Variants in MESD observed in about 807,000 individuals in gnomAD.
The protein encoded by MESD is mesoderm development LRP chaperone.
A neutral mutation model predicts 12.9 loss-of-function variants in MESD; 7 were observed. That is an observed-to-expected ratio of 0.54 (90% CI 0.31 to 1.02). The LOEUF is 1.02. MESD is among the 50% of genes least tolerant of loss of function. The probability of loss-of-function intolerance (pLI) is 0.05; values close to 1 mark genes in which losing one functional copy is unlikely to be tolerated. For synonymous variants in MESD, 126 were observed against 115.6 expected, an observed-to-expected ratio of 1.09 and a Z score of -0.58; for missense variants, 342 against 296.7, an observed-to-expected ratio of 1.15 and a Z score of -1.12.
intron 3 of MESD, among the ~76,000 whole-genome samples, chr15:80,955,578 T>C (rs369768968): frequency 1.3e-5 from 2 of 151,540 alleles, no homozygotes. Context: ...CCCAGGGTAG[T>C]TGTTTGCACA....
chr15:80,958,807 A>T (rs1001990222), intron 3 of MESD, among the ~76,000 whole-genome samples: 8 of 152,166 alleles, frequency 5.3e-5, no homozygotes, highest in African/African-American at 1.9e-4. Flanking sequence ...AAGGTCCTTG[A>T]TGTGTCAGTT....
intron 3 of MESD, among the ~76,000 whole-genome samples, chr15:80,965,890 C>T (rs575993789): frequency 1.3e-4 from 19 of 151,988 alleles, no homozygotes; most frequent in Admixed American, 2.0e-4. Context: ...CAACATGGAA[C>T]GTGTATACCT....
chr15:80,963,300 A>T (rs962920807), intron 3 of MESD, among the ~76,000 whole-genome samples: 1 of 152,256 alleles, frequency 6.6e-6, no homozygotes, highest in Non-Finnish European at 1.5e-5. Context: ...ATCTCTGAAT[A>T]GACCAATAAC....
intron 1 of MESD, among the ~76,000 whole-genome samples, chr15:80,986,183 C>CGCATTCTCCT (rs1567127445): frequency 1.3e-5 from 2 of 152,104 alleles, no homozygotes; most frequent in African/African-American, 2.4e-5. Context: ...ACAAATACCG[C>CGCATTCTCCT]GCATTCTCCT....
chr15:80,947,195 T>G (rs1426395452), downstream of MESD: 10 of 663,344 alleles, frequency 1.5e-5, no homozygotes, highest in Admixed American at 9.0e-5. Flanking sequence ...AACCTAAGAA[T>G]CCCCCACACA....
intron 3 of MESD, among the ~76,000 whole-genome samples, chr15:80,954,889 T>C (rs928336244): frequency 2.0e-5 from 3 of 152,220 alleles, no homozygotes; most frequent in Non-Finnish European, 2.9e-5. Context: ...TAGTGTATTT[T>C]ACGTATGGCC....
At chr15:80,981,405 C>A (rs1420845162) in intron 2 of MESD, among the ~76,000 whole-genome samples, 1 of 146,146 alleles carries the variant, frequency 6.8e-6, no homozygotes, top group South Asian at 2.2e-4. Flanking sequence ...CCACTGCACT[C>A]CAGCCTGGGC....
downstream of MESD, among the ~76,000 whole-genome samples, chr15:80,975,048 G>A (rs2141803860): frequency 6.6e-6 from 1 of 151,872 alleles, no homozygotes; most frequent in South Asian, 2.1e-4. Flanking sequence ...GGAAAGACAG[G>A]GGTGGCCTCA....
In MESD at chr15:80,958,260, T is replaced by G. The variant is rs367835752; in HGVS notation, c.*289-5964A>C. 4.6e-5 allele frequency among the ~76,000 whole-genome samples: 7 copies of G among 152,160 alleles called. 1 individual carries two copies. Among genetic ancestry groups the G allele is most frequent in the East Asian group, 1.9e-4 (1 of 5,192 alleles). ...GCTACTAGAACATCAGAATTCTCCT[T>G]GCCTTATCAGGTATAGAATTGTTGC... is the stretch of plus-strand genomic sequence containing the variant. On this transcript the variant is annotated intron_variant, in intron 3 of 4. Coordinates refer to the MESD transcript ENST00000561312.
chr15:80,985,639 C>CTTTTTTTTTTTT lies in MESD; in HGVS notation c.214-3469_214-3458dup, dbSNP rs11425497. ...AATTAACTCAGTAGGTCCCAAGCAG[C>CTTTTTTTTTTTT]TTTTTTTTTTTTTTTTTTTTTTTTT... On this transcript the variant is annotated intron_variant, in intron 1 of 2. Transcript: ENST00000261758. Among the ~76,000 whole-genome samples, 44 of 89,040 alleles carry CTTTTTTTTTTTT rather than the reference C, an allele frequency of 4.9e-4. 4 individuals carry two copies. Among genetic ancestry groups the CTTTTTTTTTTTT allele is most frequent in the African/African-American group, 1.7e-3 (36 of 21,618 alleles). 58.4% of individuals were successfully genotyped at this position (89,040 alleles called of 152,430 possible).
chr15:80,986,900 C>A (rs559121933), intron 1 of MESD, among the ~76,000 whole-genome samples: 14 of 152,328 alleles, frequency 9.2e-5, no homozygotes, highest in African/African-American at 3.4e-4. Context: ...AAGTCCCAGG[C>A]ACTCTACATA....
downstream of MESD, chr15:80,947,089 A>T (rs776953998): frequency 6.7e-7 from 1 of 1,483,314 alleles, no homozygotes; most frequent in South Asian, 1.1e-5. Context: ...CTGGGGTTTA[A>T]ACTGACCCCA....
In MESD at chr15:80,959,265, G is replaced by A. The variant is rs556246807; in HGVS notation, c.*289-6969C>T. Among the ~76,000 whole-genome samples, 605 of 152,324 alleles carry A rather than the reference G, an allele frequency of 4.0e-3. 7 individuals are homozygous for A. The highest frequency in any genetic ancestry group is 0.013 in the African/African-American group (541 of 41,562). On this transcript the variant is annotated intron_variant, in intron 3 of 4. Transcript: ENST00000561312. ...AGGTGCCTCTCGCCCAGAGATGACCGAAGGTAGATGGAGGCTGGAGCTGCC... is the reference window on the plus strand; with the variant it reads ...AGGTGCCTCTCGCCCAGAGATGACCAAAGGTAGATGGAGGCTGGAGCTGCC...
intron 1 of MESD, among the ~76,000 whole-genome samples, chr15:80,985,638 G>GC (rs1902707966): frequency 9.7e-6 from 1 of 103,524 alleles, no homozygotes; most frequent in African/African-American, 3.9e-5. Context: ...GTCCCAAGCA[G>GC]CTTTTTTTTT....
At chr15:80,961,162 C>T (rs1421133758) in intron 3 of MESD, among the ~76,000 whole-genome samples, 3 of 151,934 alleles carry the variant, frequency 2.0e-5, no homozygotes, top group East Asian at 3.8e-4. Context: ...ACTTTATGCA[C>T]ACAATTTGCA....
At chr15:80,948,735 C>T (rs1210877478) in exon 5 of MESD, 14 of 1,609,978 alleles carry the variant, frequency 8.7e-6, no homozygotes, top group South Asian at 1.1e-5. Flanking sequence ...AGCCATGGAA[C>T]GGGGTGGGGC....
At chr15:80,968,120 C>A (rs1902211065) in intron 3 of MESD, among the ~76,000 whole-genome samples, 1 of 152,264 alleles carries the variant, frequency 6.6e-6, no homozygotes, top group South Asian at 2.1e-4. Flanking sequence ...TGGACTCTGG[C>A]AGCTCTGCCC....
rs534931064 is a variant in MESD, at chr15:80,953,844, C to T, written c.*289-1548G>A. ...GCTAACAACATCTGCCTAAAGAAAA[C>T]GCAACGGCACAAAGCTGGAAGCAGG... On this transcript the variant is annotated intron_variant, in intron 3 of 4. Transcript: ENST00000561312. 5.9e-5 allele frequency among the ~76,000 whole-genome samples: 9 copies of T among 152,278 alleles called. No homozygotes were observed. In the South Asian group the frequency reaches 1.5e-3, roughly 25 times the overall value.
intron 3 of MESD, among the ~76,000 whole-genome samples, chr15:80,968,043 C>T (rs958467193): frequency 4.6e-5 from 7 of 152,238 alleles, no homozygotes; most frequent in Admixed American, 3.9e-4. Context: ...CTCCTGAAAT[C>T]TGCCTACCAA....
Sources: gnomAD v4.1 joint callset for allele counts (sites outside exome capture counted in the v4.1 genomes callset) on GRCh38, gnomAD v4.1.1 for gene constraint, MANE v1.5 for transcripts, NCBI Gene and HGNC (gene_info 2026-07-23, HGNC 2026-07-21) for gene names.